NRXN1: variants seen among roughly 807,000 people sequenced by gnomAD.
NRXN1 encodes neurexin 1, also known as neurexin-1.
NRXN1 carries 39 observed loss-of-function variants against 150.9 expected under a neutral mutation model. That is an observed-to-expected ratio of 0.26 (90% CI 0.20 to 0.34). The LOEUF (loss-of-function observed/expected upper bound fraction) is 0.34. NRXN1 is among the 10% of genes least tolerant of loss of function. NRXN1 has a pLI of 1.00. For synonymous variants in NRXN1, 924 were observed against 757.0 expected (o/e 1.22, Z -3.62); for missense variants, 1,815 against 1,949.9 (o/e 0.93, Z 1.30).
intron 17 of NRXN1, among the ~76,000 whole-genome samples, chr2:50,412,260 A>T (rs984205544): frequency 6.6e-6 from 1 of 152,056 alleles, no homozygotes; most frequent in African/African-American, 2.4e-5. Context: ...CTATTGTCCT[A>T]TGACCCTGCC....
At chr2:50,170,842 CAT>C (rs1370660155) in intron 18 of NRXN1, among the ~76,000 whole-genome samples, 1 of 150,312 alleles carries the variant, frequency 6.7e-6, no homozygotes, top group Non-Finnish European at 1.5e-5. Flanking sequence ...TTGGGGTACC[CAT>C]ACACTCTCAG....
chr2:50,204,202 A>G (rs772675114), intron 18 of NRXN1, among the ~76,000 whole-genome samples: 1 of 152,148 alleles, frequency 6.6e-6, no homozygotes, highest in Non-Finnish European at 1.5e-5. Flanking sequence ...CTGGGATAAT[A>G]CAACTAGGTG....
Position 50,553,003 on chromosome 2 carries a change from A to C in NRXN1, c.1343T>G (p.Val448Gly). 1 of 1,609,944 alleles carries C rather than the reference A, an allele frequency of 6.2e-7. No individual in the cohort carries two copies. Among genetic ancestry groups the C allele is most frequent in the Non-Finnish European group, 8.5e-7 (1 of 1,177,910 alleles). ...GGCAAGTCGAGATAATTCCAGCCTC[A>C]CATCATTATTTTTATATACAACCTG... The part of the protein sequence containing the change: ...LKEVVYKNND[V>G]RLELSRLAKQ... The change falls in exon 9 of 23, where the codon GTG becomes GGG. Residue 448 changes from valine to glycine, a missense_variant. Physicochemically the swap from Val to Gly is moderately radical, Grantham distance 109. Coordinates refer to ENST00000401669, the MANE Select transcript of NRXN1 (RefSeq NM_001330078.2).
chr2:50,498,157 T>G (rs1239797139), intron 13 of NRXN1, among the ~76,000 whole-genome samples: 2 of 152,034 alleles, frequency 1.3e-5, no homozygotes, highest in African/African-American at 4.8e-5. Flanking sequence ...TTATTCCTTA[T>G]AAATGTTCTT....
intron 17 of NRXN1, among the ~76,000 whole-genome samples, chr2:50,392,793 C>A (rs1458721481): frequency 6.6e-6 from 1 of 152,014 alleles, no homozygotes; most frequent in Non-Finnish European, 1.5e-5. Context: ...ATCAGGACTG[C>A]TAACTAGATG....
At chr2:50,434,834 T>C (rs1420199463) in intron 17 of NRXN1, among the ~76,000 whole-genome samples, 2 of 152,158 alleles carry the variant, frequency 1.3e-5, no homozygotes, top group Non-Finnish European at 2.9e-5. Flanking sequence ...GATCAGACTT[T>C]ATTTCCAGAA....
intron 5 of NRXN1, among the ~76,000 whole-genome samples, chr2:50,884,593 T>C (rs1335064661): frequency 6.6e-6 from 1 of 151,658 alleles, no homozygotes; most frequent in Non-Finnish European, 1.5e-5. Context: ...TGTAGCTTCG[T>C]AGGAGATAAA....
Position 51,027,961 on chromosome 2 carries a change from C to A in NRXN1, c.313G>T (p.Ala105Ser). The change falls in exon 2 of 23, where the codon GCC becomes TCC. Residue 105 changes from alanine to serine, a missense_variant. Ala to Ser is a moderately conservative substitution (Grantham distance 99). Coordinates refer to ENST00000401669, the MANE Select transcript of NRXN1 (RefSeq NM_001330078.2). ...IFCAEPATLL[A>S]DTPVNDGAWH... The stretch of plus-strand genomic sequence containing the variant: ...GCGCCGTCGTTAACCGGCGTGTCGG[C>A]CAGGAGCGTCGCAGGCTCAGCGCAG... 6.2e-7 allele frequency: 1 copy of A among 1,602,396 alleles called. No individual in the cohort carries two copies. The highest frequency in any genetic ancestry group is 8.5e-7 in the Non-Finnish European group (1 of 1,179,476).
chr2:49,964,582 G>A (rs1676612890), intron 21 of NRXN1, among the ~76,000 whole-genome samples: 1 of 151,714 alleles, frequency 6.6e-6, no homozygotes, highest in Non-Finnish European at 1.5e-5. Flanking sequence ...GCTCACATCT[G>A]TAATCCCAGC....
At chr2:50,838,890 T>C (rs985835234) in intron 5 of NRXN1, among the ~76,000 whole-genome samples, 1 of 152,008 alleles carries the variant, frequency 6.6e-6, no homozygotes, top group African/African-American at 2.4e-5. Flanking sequence ...ACTGAAGCCC[T>C]AGGAAACTAA....
At chr2:50,313,237 T>G (rs2075322634) in intron 17 of NRXN1, among the ~76,000 whole-genome samples, 1 of 152,072 alleles carries the variant, frequency 6.6e-6, no homozygotes, top group South Asian at 2.1e-4. Context: ...GTCTCATTCT[T>G]TTTGCCTTAT....
At chr2:49,935,257 T>C (rs1180018743) in intron 22 of NRXN1, among the ~76,000 whole-genome samples, 2 of 152,186 alleles carry the variant, frequency 1.3e-5, no homozygotes. Flanking sequence ...TTGCCTCTAA[T>C]TACACAGTAG....
At chr2:50,235,060 A>G (rs1433285752) in intron 18 of NRXN1, among the ~76,000 whole-genome samples, 1 of 152,118 alleles carries the variant, frequency 6.6e-6, no homozygotes, top group Admixed American at 6.6e-5. Flanking sequence ...TTTGAGAGTG[A>G]TCATTGTAGA....
intron 13 of NRXN1, among the ~76,000 whole-genome samples, chr2:50,498,651 C>A (rs1233116595): frequency 6.6e-6 from 1 of 152,122 alleles, no homozygotes; most frequent in African/African-American, 2.4e-5. Context: ...CCAGAGTGAT[C>A]ATTTTACCTG....
chr2:50,646,708 CTTTTTT>C (rs552231598), intron 5 of NRXN1, among the ~76,000 whole-genome samples: 4 of 107,438 alleles, frequency 3.7e-5, no homozygotes, highest in Admixed American at 1.0e-4. Context: ...TTCATGTTGT[CTTTTTT>C]TTTTTTTTTT....
chr2:50,306,676 T>G (rs2074639690), intron 17 of NRXN1, among the ~76,000 whole-genome samples: 1 of 152,142 alleles, frequency 6.6e-6, no homozygotes, highest in Non-Finnish European at 1.5e-5. Context: ...CAGATTCACA[T>G]TTGATGCACC....
At chr2:50,164,362 A>G (rs547573688) in intron 18 of NRXN1, among the ~76,000 whole-genome samples, 1 of 152,320 alleles carries the variant, frequency 6.6e-6, no homozygotes, top group East Asian at 1.9e-4. Flanking sequence ...TTTGCATAAG[A>G]TACACAAAGT....
intron 18 of NRXN1, among the ~76,000 whole-genome samples, chr2:50,190,603 C>CTTTTTTTT (rs796974992): frequency 8.2e-6 from 1 of 122,556 alleles, no homozygotes. Context: ...CACCTTCTAA[C>CTTTTTTTT]TTTTTTTTTC....
intron 17 of NRXN1, among the ~76,000 whole-genome samples, chr2:50,290,689 G>A (rs1416448802): frequency 6.6e-6 from 1 of 152,150 alleles, no homozygotes; most frequent in East Asian, 1.9e-4. Context: ...TGTTCTGTGG[G>A]TTCCCAATCA....
Sources: gnomAD v4.1 joint callset for allele counts (sites outside exome capture counted in the v4.1 genomes callset) on GRCh38, gnomAD v4.1.1 for gene constraint, MANE v1.5 for transcripts, NCBI Gene and HGNC (gene_info 2026-07-23, HGNC 2026-07-21) for gene names.